Variants in EYS observed in about 807,000 individuals in gnomAD.
EYS encodes protein eyes shut homolog.
A neutral mutation model predicts 282.1 loss-of-function variants in EYS; 250 were observed. The ratio of observed to expected loss-of-function variants is 0.89; its 90% CI spans 0.80 to 0.98. The LOEUF is 0.98. Among genes scored for constraint, EYS ranks in the 50% least tolerant of loss-of-function variants. The pLI is 0.00. For synonymous variants in EYS, 1,355 were observed against 1,282.9 expected, an observed-to-expected ratio of 1.06 and a Z score of -1.20; for missense variants, 4,016 against 3,709.0, an observed-to-expected ratio of 1.08 and a Z score of -2.15.
At chr6:64,570,087 T>C (rs773813814) in intron 26 of EYS, among the ~76,000 whole-genome samples, 2 of 152,208 alleles carry the variant, frequency 1.3e-5, no homozygotes, top group Non-Finnish European at 2.9e-5. Context: ...AGACTAACAA[T>C]GGATGTCTCT....
intron 36 of EYS, among the ~76,000 whole-genome samples, chr6:63,809,470 C>T (rs536593859): frequency 1.3e-5 from 2 of 152,194 alleles, no homozygotes; most frequent in East Asian, 3.9e-4. Flanking sequence ...TTAATTTTTG[C>T]AATCCCTAGT....
chr6:63,969,826 A>T (rs1582052313), intron 35 of EYS, among the ~76,000 whole-genome samples: 1 of 151,740 alleles, frequency 6.6e-6, no homozygotes, highest in African/African-American at 2.4e-5. Flanking sequence ...ACAACTTTTG[A>T]CTCTCTGTTG....
At chr6:65,513,172 AC>A (rs1425131845) in intron 2 of EYS, among the ~76,000 whole-genome samples, 1 of 152,234 alleles carries the variant, frequency 6.6e-6, no homozygotes, top group Non-Finnish European at 1.5e-5. Flanking sequence ...CTCTACGCAA[AC>A]AAACTAGAAA....
chr6:64,055,150 A>G (rs1022586102), intron 33 of EYS, among the ~76,000 whole-genome samples: 4 of 152,174 alleles, frequency 2.6e-5, no homozygotes, highest in Non-Finnish European at 5.9e-5. Flanking sequence ...CCTAACAAGC[A>G]AGAACCTTCA....
At chr6:65,586,081 T>A (rs1765034313) in intron 2 of EYS, among the ~76,000 whole-genome samples, 2 of 152,016 alleles carry the variant, frequency 1.3e-5, no homozygotes, top group Admixed American at 1.3e-4. Flanking sequence ...TTTGGGGAAT[T>A]CTACAGTTTC....
intron 31 of EYS, among the ~76,000 whole-genome samples, chr6:64,087,772 A>T (rs927565445): frequency 6.6e-6 from 1 of 152,116 alleles, no homozygotes; most frequent in Non-Finnish European, 1.5e-5. Context: ...CACACTATTG[A>T]TAAGTCCACC....
At chr6:64,954,360 T>C (rs1769618626) in intron 14 of EYS, among the ~76,000 whole-genome samples, 1 of 152,186 alleles carries the variant, frequency 6.6e-6, no homozygotes, top group Non-Finnish European at 1.5e-5. Context: ...CTGTCATTGA[T>C]GTGTACTGCT....
intron 14 of EYS, among the ~76,000 whole-genome samples, chr6:64,979,867 T>A (rs538730225): frequency 1.3e-5 from 2 of 151,694 alleles, no homozygotes; most frequent in East Asian, 3.9e-4. Flanking sequence ...TTTTTAAAAT[T>A]CCCACTAAGT....
intron 12 of EYS, among the ~76,000 whole-genome samples, chr6:65,196,831 C>T (rs182145136): frequency 1.7e-4 from 26 of 152,088 alleles, no homozygotes; most frequent in Admixed American, 1.1e-3. Flanking sequence ...GTAATAATTG[C>T]GAACGTTTTC....
At chr6:64,669,113 C>T (rs1188363663) in intron 22 of EYS, among the ~76,000 whole-genome samples, 2 of 152,082 alleles carry the variant, frequency 1.3e-5, no homozygotes, top group African/African-American at 2.4e-5. Flanking sequence ...TATACTCACT[C>T]GTTTCTTAGA....
At chr6:64,781,574 C>G (rs60473127) in intron 22 of EYS, among the ~76,000 whole-genome samples, 4 of 89,190 alleles carry the variant, frequency 4.5e-5, no homozygotes, top group Non-Finnish European at 7.2e-5. Flanking sequence ...ATGACTCCGT[C>G]TCAAAAAAAA....
chr6:64,743,626 G>C (rs923861329), intron 22 of EYS, among the ~76,000 whole-genome samples: 2 of 152,036 alleles, frequency 1.3e-5, no homozygotes. Flanking sequence ...AGATCAAACA[G>C]CATGGAAATA....
At chr6:64,449,910 T>C (rs1341830802) in intron 26 of EYS, among the ~76,000 whole-genome samples, 3 of 151,972 alleles carry the variant, frequency 2.0e-5, no homozygotes, top group African/African-American at 7.3e-5. Context: ...ACATGCCAAA[T>C]TGTAAAGACC....
At chr6:63,953,244 G>A (rs1362751877) in intron 35 of EYS, among the ~76,000 whole-genome samples, 1 of 152,166 alleles carries the variant, frequency 6.6e-6, no homozygotes, top group East Asian at 1.9e-4. Context: ...ACTGCCGCAA[G>A]GCTTCAGGGA....
chr6:65,116,686 A>G (rs1003966946), intron 12 of EYS, among the ~76,000 whole-genome samples: 1 of 152,188 alleles, frequency 6.6e-6, no homozygotes, highest in African/African-American at 2.4e-5. Context: ...TAACAATTCT[A>G]TGAAAACAAA....
intron 29 of EYS, among the ~76,000 whole-genome samples, chr6:64,374,193 G>C (rs1772489206): frequency 6.8e-6 from 1 of 147,066 alleles, no homozygotes; most frequent in Non-Finnish European, 1.5e-5. Context: ...GGGTATGGGA[G>C]GGTGGAGGTG....
intron 2 of EYS, among the ~76,000 whole-genome samples, chr6:65,590,775 C>A (rs1582492031): frequency 6.6e-6 from 1 of 151,716 alleles, no homozygotes; most frequent in East Asian, 1.9e-4. Flanking sequence ...GTCCTCCAGG[C>A]AATTTCGTGT....
intron 32 of EYS, among the ~76,000 whole-genome samples, chr6:64,068,002 T>C (rs1771439953): frequency 6.6e-6 from 1 of 152,190 alleles, no homozygotes; most frequent in Non-Finnish European, 1.5e-5. Context: ...TTCTGTTGTA[T>C]ATATATCTAG....
chr6:64,702,422 T>G (rs184306626), intron 22 of EYS, among the ~76,000 whole-genome samples: 1 of 152,178 alleles, frequency 6.6e-6, no homozygotes, highest in East Asian at 1.9e-4. Context: ...AATTTAAAAC[T>G]GTATAATATA....
Sources: allele counts gnomAD v4.1 joint callset (sites outside exome capture counted in the v4.1 genomes callset), GRCh38; gene constraint gnomAD v4.1.1; transcripts MANE v1.5; gene names NCBI Gene and HGNC (gene_info 2026-07-23, HGNC 2026-07-21).